Variants in FBXL17 observed in about 807,000 individuals in gnomAD.
The protein encoded by FBXL17 is F-box and leucine rich repeat protein 17.
A neutral mutation model predicts 66.2 loss-of-function variants in FBXL17; 22 were observed. That is an observed-to-expected ratio of 0.33 (90% CI 0.24 to 0.47). The LOEUF is 0.47. Ranked by LOEUF, FBXL17 falls within the 20% of genes least tolerant of loss-of-function variation. The pLI is 1.00. For synonymous variants in FBXL17, 474 were observed against 400.5 expected (o/e 1.18, Z -2.19); for missense variants, 878 against 948.2 (o/e 0.93, Z 0.97).
At chr5:108,272,057 G>A (rs1385399674) in intron 4 of FBXL17, among the ~76,000 whole-genome samples, 3 of 152,152 alleles carry the variant, frequency 2.0e-5, no homozygotes, top group Non-Finnish European at 2.9e-5. Context: ...TTGGGAGGCC[G>A]AGATGGGAGG....
At chr5:108,126,136 G>T (rs2149970382) in intron 6 of FBXL17, among the ~76,000 whole-genome samples, 1 of 152,156 alleles carries the variant, frequency 6.6e-6, no homozygotes, top group Admixed American at 6.5e-5. Context: ...ACTAGAGATA[G>T]TCCTAAGGTG....
In FBXL17 at chr5:108,159,616, G is replaced by A. The variant is rs565564423; in HGVS notation, c.1745+26501C>T. Among the ~76,000 whole-genome samples, 13 of 152,222 alleles carry A rather than the reference G, an allele frequency of 8.5e-5. No homozygotes were observed. In the South Asian group the frequency reaches 2.7e-3, roughly 32 times the overall value. On this transcript the variant is annotated intron_variant, in intron 6 of 8. Coordinates refer to ENST00000542267, the MANE Select transcript of FBXL17 (RefSeq NM_001163315.3). ...CAGACCCCAACAATGCTGGCACTCT[G>A]TTCTTAACTTCCAAGCCTCCAGAAA...
At chr5:107,898,128 G>A (rs886172142) in intron 7 of FBXL17, among the ~76,000 whole-genome samples, 1 of 152,160 alleles carries the variant, frequency 6.6e-6, no homozygotes, top group East Asian at 1.9e-4. Flanking sequence ...TGGCAGAAGG[G>A]TTCCCATTAC....
At chr5:108,364,632 C>A (rs1748545116) in intron 3 of FBXL17, 106 bp downstream of exon 3, 2 of 859,286 alleles carry the variant, frequency 2.3e-6, no homozygotes, top group South Asian at 3.6e-5. Context: ...AGATGATTCA[C>A]TTGAGTCTCT....
At chr5:108,137,908 C>T (rs1447955921) in intron 6 of FBXL17, among the ~76,000 whole-genome samples, 1 of 152,138 alleles carries the variant, frequency 6.6e-6, no homozygotes. Flanking sequence ...ATAATCTGGG[C>T]ACAACACTTC....
intron 7 of FBXL17, among the ~76,000 whole-genome samples, chr5:107,915,128 A>T (rs562656635): frequency 3.3e-5 from 5 of 152,158 alleles, no homozygotes; most frequent in Admixed American, 1.3e-4. Context: ...ATTTGCTTAG[A>T]CCCAAGCATC....
chr5:107,986,666 A>T (rs1753022484), intron 7 of FBXL17, among the ~76,000 whole-genome samples: 1 of 151,868 alleles, frequency 6.6e-6, no homozygotes, highest in East Asian at 1.9e-4. Context: ...ATTATATTTT[A>T]TTCAAATTAT....
chr5:107,996,439 T>C (rs6864666), intron 7 of FBXL17, among the ~76,000 whole-genome samples: 23,414 of 152,018 alleles, frequency 0.15, 4,983 homozygotes, highest in African/African-American at 0.48. Context: ...CTCAGCCTCC[T>C]GAGTAGCTGG....
intron 4 of FBXL17, among the ~76,000 whole-genome samples, chr5:108,325,115 G>C (rs1173500745): frequency 6.6e-6 from 1 of 152,020 alleles, no homozygotes; most frequent in Admixed American, 6.5e-5. Context: ...TTTGGAGACT[G>C]GTTACACAAC....
chr5:108,162,421 A>G (rs745754593), intron 6 of FBXL17, among the ~76,000 whole-genome samples: 13 of 152,156 alleles, frequency 8.5e-5, no homozygotes, highest in Non-Finnish European at 1.5e-4. Context: ...GCTTGAGCCC[A>G]CAAGTTCAAG....
At chr5:108,298,439 AACAAAACTT>A in intron 4 of FBXL17, 1 of 973,014 alleles carries the variant, frequency 1.0e-6, no homozygotes, top group Non-Finnish European at 1.2e-6. Context: ...CTAAAATCTA[AACAAAACTT>A]CAGTAGGCTT....
chr5:108,247,064 C>G (rs1756133072), intron 4 of FBXL17, among the ~76,000 whole-genome samples: 1 of 151,912 alleles, frequency 6.6e-6, no homozygotes. Context: ...TGCACACTTT[C>G]AAAAAAATAA....
rs1240313577 is a variant in FBXL17 at position 108,025,726 on chromosome 5, C to T, written c.1746-4725G>A. Among the ~76,000 whole-genome samples the T allele has an allele frequency of 8.1e-5, 10 of 123,012 alleles. No individual in the cohort carries two copies. In the South Asian group the frequency reaches 3.2e-3, roughly 39 times the overall value. The allele number at this position is 123,012 out of a possible 152,430, so 80.7% of individuals were successfully genotyped here. A position where few individuals can be genotyped will look rare whatever the true frequency, so the allele number is the denominator to read the frequency against. On this transcript the variant is annotated intron_variant, in intron 6 of 8. Coordinates refer to ENST00000542267, the MANE Select transcript of FBXL17 (RefSeq NM_001163315.3). ...ACAAACACACACACACACGCGCGCG[C>T]GCACACACACACACACACACACACA...
rs1282541222 is a variant in FBXL17 at position 108,381,022 on chromosome 5, C to CGCCGCCGCCGCA, written c.658_669dup (p.Cys220_Gly223dup). 8.4e-7 allele frequency: 1 copy of CGCCGCCGCCGCA among 1,189,974 alleles called. No individual in the cohort carries two copies. Among genetic ancestry groups the CGCCGCCGCCGCA allele is most frequent in the Non-Finnish European group, 1.0e-6 (1 of 961,688 alleles). 73.7% of individuals were successfully genotyped at this position (1,189,974 alleles called of 1,614,324 possible). Reference sequence around the variant, plus strand: ...GGCCCTCCCCCGCCACCGCCGCCGCCGCCGCCGCCGCAGCCCCCGCCGCCG... The same window carrying CGCCGCCGCCGCA: ...GGCCCTCCCCCGCCACCGCCGCCGCCGCCGCCGCCGCAGCCGCCGCCGCAGCCCCCGCCGCCG... On this transcript the variant is annotated inframe_insertion, in exon 1 of 9. Transcript: ENST00000542267.
chr5:108,190,198 A>C (rs1268366586), intron 5 of FBXL17, among the ~76,000 whole-genome samples: 1 of 152,236 alleles, frequency 6.6e-6, no homozygotes, highest in African/African-American at 2.4e-5. Context: ...ATCCTTGCCC[A>C]CTTTAAATGC....
At chr5:108,193,373 G>A (rs1753549008) in intron 5 of FBXL17, among the ~76,000 whole-genome samples, 1 of 152,112 alleles carries the variant, frequency 6.6e-6, no homozygotes, top group Non-Finnish European at 1.5e-5. Context: ...CAAGGAGAAA[G>A]GGAAAGGGGT....
chr5:108,153,825 CA>C (rs1351635050), intron 6 of FBXL17, among the ~76,000 whole-genome samples: 1 of 152,172 alleles, frequency 6.6e-6, no homozygotes, highest in Non-Finnish European at 1.5e-5. Flanking sequence ...AATTATTGTG[CA>C]AAACTGTGTT....
At chr5:108,274,280 C>T (rs866510522) in intron 4 of FBXL17, among the ~76,000 whole-genome samples, 5 of 152,244 alleles carry the variant, frequency 3.3e-5, no homozygotes, top group Middle Eastern at 3.4e-3. Context: ...GAGACGACCA[C>T]GCCCGGGGGG....
At chr5:108,118,571 AC>A (rs1210054549) in intron 6 of FBXL17, among the ~76,000 whole-genome samples, 1 of 152,016 alleles carries the variant, frequency 6.6e-6, no homozygotes, top group African/African-American at 2.4e-5. Context: ...GTTTCCCTGG[AC>A]CTTTGCAATC....
Sources: allele counts gnomAD v4.1 joint callset (sites outside exome capture counted in the v4.1 genomes callset), GRCh38; gene constraint gnomAD v4.1.1; transcripts MANE v1.5; gene names NCBI Gene and HGNC (gene_info 2026-07-23, HGNC 2026-07-21).